INPP5D: variants seen among roughly 807,000 people sequenced by gnomAD.
INPP5D encodes the protein inositol polyphosphate-5-phosphatase D, also known as phosphatidylinositol 3,4,5-trisphosphate 5-phosphatase 1.
A neutral mutation model predicts 122.9 loss-of-function variants in INPP5D; 33 were observed. That is an observed-to-expected ratio of 0.27 (90% confidence interval 0.20 to 0.36). The LOEUF (loss-of-function observed/expected upper bound fraction) is 0.36. Ranked by LOEUF, INPP5D falls within the 10% of genes least tolerant of loss-of-function variation. INPP5D has a pLI of 1.00. For missense variants in INPP5D, 1,053 were observed against 1,412.7 expected (o/e 0.75, Z 4.08); for synonymous variants, 584 against 576.2 (o/e 1.01, Z -0.19).
At chr2:233,069,746 T>C (rs898435925) in intron 1 of INPP5D, among the ~76,000 whole-genome samples, 2 of 152,350 alleles carry the variant, frequency 1.3e-5, no homozygotes, top group South Asian at 4.1e-4. Flanking sequence ...ATTCTTCTAT[T>C]ATCAGATATT....
rs750789251 is a variant in INPP5D, at chr2:233,060,517, C to T, written c.39C>T (p.Ser13=). The T allele has an allele frequency of 6.2e-7, 1 of 1,613,492 alleles. No homozygotes were observed. The highest frequency in any genetic ancestry group is 1.1e-5 in the South Asian group (1 of 91,028). The stretch of plus-strand genomic sequence containing the variant: ...GGAACCATGGCAACATCACCCGCTC[C>T]AAGGCGGAGGAGCTGCTTTCCAGGA... ...PCWNHGNITR[S]KAEELLSRTG... is the part of the protein sequence containing the mutation. Residue 13 remains serine, a synonymous_variant, in exon 1 of 27, where the codon TCC becomes TCT. Coordinates refer to ENST00000445964, the MANE Select transcript of INPP5D (RefSeq NM_001017915.3).
intron 6 of INPP5D, among the ~76,000 whole-genome samples, chr2:233,145,694 G>A (rs1693739869): frequency 6.6e-6 from 1 of 151,930 alleles, no homozygotes; most frequent in African/African-American, 2.4e-5. Flanking sequence ...GGTGGGGCGG[G>A]TGAGGTGGGG....
chr2:233,169,027 C>T, intron 13 of INPP5D: 1 of 401,626 alleles, frequency 2.5e-6, no homozygotes, highest in Non-Finnish European at 4.6e-6. Context: ...CCGCTTAGCA[C>T]CCTGGTCACT....
intron 2 of INPP5D, among the ~76,000 whole-genome samples, chr2:233,117,476 A>G (rs906386113): frequency 2.6e-5 from 4 of 151,900 alleles, no homozygotes; most frequent in African/African-American, 9.7e-5. Context: ...TTGGCGGGGG[A>G]GGGGATCTAC....
Position 233,078,894 on chromosome 2 carries a change from G to A in INPP5D, c.135-441G>A, listed in dbSNP as rs543418816. Reference sequence around the variant, plus strand: ...GATGGGATTTCACCATGTTGGCCAGGATGGTCTCAATCTCTTGACCTTGTG... The same window carrying A: ...GATGGGATTTCACCATGTTGGCCAGAATGGTCTCAATCTCTTGACCTTGTG... On this transcript the variant is annotated intron_variant, in intron 1 of 26. Coordinates refer to ENST00000445964, the MANE Select transcript of INPP5D (RefSeq NM_001017915.3). This position sits in a 1 kb window ranked among gnomAD's most constrained non-coding sequence, Gnocchi z 4.6. 9.9e-5 allele frequency among the ~76,000 whole-genome samples: 15 copies of A among 152,156 alleles called. No homozygotes were observed. The East Asian group carries it at 2.7e-3, about 27-fold the overall frequency.
Position 233,169,645 on chromosome 2 carries a change from C to T in INPP5D, c.1652+244C>T, listed in dbSNP as rs140177279. The T allele has an allele frequency of 1.4e-3, 871 of 612,362 alleles. 7 individuals carry two copies. Among genetic ancestry groups the T allele is most frequent in the African/African-American group, 0.014 (755 of 54,440 alleles). The allele number at this position is 612,362 out of a possible 1,614,324, so 37.9% of individuals were successfully genotyped here. On this transcript the variant is annotated intron_variant, in intron 14 of 26. Transcript: ENST00000445964. ...TCCTTGTGTCATTAGCCTGATGGAC[C>T]GCTAACTAGCACTGTTTCTAAAGCA...
At chr2:233,123,128 G>C (rs911767384) in intron 3 of INPP5D, among the ~76,000 whole-genome samples, 1 of 151,902 alleles carries the variant, frequency 6.6e-6, no homozygotes, top group Non-Finnish European at 1.5e-5. Context: ...AAGGGGGAGG[G>C]GGAAATACAA....
chr2:233,193,184 C>T (rs60875800), intron 22 of INPP5D, among the ~76,000 whole-genome samples: 4,368 of 152,296 alleles, frequency 0.029, 189 homozygotes, highest in African/African-American at 0.098. Flanking sequence ...CCACCACACC[C>T]GGTGCATTGG....
At chr2:233,182,617 G>A in intron 19 of INPP5D, 118 bp downstream of exon 19, 1 of 1,464,854 alleles carries the variant, frequency 6.8e-7, no homozygotes, top group South Asian at 1.2e-5. Context: ...TCCCAGGCAA[G>A]TCCACAATAT....
chr2:233,199,428 CAA>C (rs1203884222), intron 25 of INPP5D, among the ~76,000 whole-genome samples: 1 of 147,468 alleles, frequency 6.8e-6, no homozygotes, highest in Non-Finnish European at 1.5e-5. Context: ...CCCAGCTACT[CAA>C]GAGGCTGAGG....
intron 2 of INPP5D, among the ~76,000 whole-genome samples, chr2:233,080,906 G>A (rs974018979): frequency 9.9e-5 from 15 of 152,164 alleles, no homozygotes; most frequent in African/African-American, 3.1e-4. Flanking sequence ...GATGCAGCCC[G>A]GTCCAGGGGC....
rs1325260240 is a variant in INPP5D at position 233,183,926 on chromosome 2, G to A, written c.2162-482G>A. Reference sequence around the variant, plus strand: ...ATCGTCTAAATTAATACAGTTGCAGGCAAGTTAACTCTGTACAAATGAGCT... The same window carrying A: ...ATCGTCTAAATTAATACAGTTGCAGACAAGTTAACTCTGTACAAATGAGCT... On this transcript the variant is annotated intron_variant, in intron 19 of 26. Coordinates refer to ENST00000445964, the MANE Select transcript of INPP5D (RefSeq NM_001017915.3). The surrounding 1 kb of genome is among the most constrained non-coding windows in gnomAD (Gnocchi z 4.6). Among the ~76,000 whole-genome samples the A allele has an allele frequency of 1.3e-5, 2 of 152,208 alleles. No homozygotes were observed. The highest frequency in any genetic ancestry group is 2.4e-5 in the African/African-American group (1 of 41,450).
At chr2:233,120,626 G>A (rs1692941912) in intron 2 of INPP5D, 2 of 152,352 alleles carry the variant, frequency 1.3e-5, no homozygotes, top group African/African-American at 4.8e-5. Flanking sequence ...GTGCCTCTTT[G>A]GGGCTCATTC....
At chr2:233,173,264 T>C (rs1324821362) in intron 17 of INPP5D, among the ~76,000 whole-genome samples, 2 of 150,748 alleles carry the variant, frequency 1.3e-5, no homozygotes, top group Non-Finnish European at 2.9e-5. Context: ...TTACCATGAA[T>C]GAAGCTTGCA....
chr2:233,063,539 G>A (rs2106193116), intron 1 of INPP5D, among the ~76,000 whole-genome samples: 1 of 152,368 alleles, frequency 6.6e-6, no homozygotes, highest in South Asian at 2.1e-4. Flanking sequence ...AAAAGACAGG[G>A]CTACAGTTCA....
chr2:233,186,599 C>G (rs933162938), intron 21 of INPP5D, among the ~76,000 whole-genome samples: 4 of 146,974 alleles, frequency 2.7e-5, no homozygotes, highest in African/African-American at 7.5e-5. Flanking sequence ...CCCAGAAGTT[C>G]AAGACCAGCC....
At chr2:233,125,041 G>A (rs1693115571) in intron 3 of INPP5D, among the ~76,000 whole-genome samples, 1 of 152,266 alleles carries the variant, frequency 6.6e-6, no homozygotes, top group African/African-American at 2.4e-5. Flanking sequence ...AGAGGCAGCC[G>A]CTCTGTGTGG....
chr2:233,120,977 A>G (rs1692952992), intron 2 of INPP5D, among the ~76,000 whole-genome samples: 1 of 152,216 alleles, frequency 6.6e-6, no homozygotes, highest in South Asian at 2.1e-4. Flanking sequence ...TTTTTTTTAA[A>G]AAAAGTTCTT....
At chr2:233,152,023 G>A (rs142485610) in intron 9 of INPP5D, among the ~76,000 whole-genome samples, 208 of 152,338 alleles carry the variant, frequency 1.4e-3, no homozygotes, top group African/African-American at 4.5e-3. Flanking sequence ...GAGGCAGTGT[G>A]GTTCAAGAGT....
Sources: allele counts gnomAD v4.1 joint callset (sites outside exome capture counted in the v4.1 genomes callset), GRCh38; gene constraint gnomAD v4.1.1; non-coding constraint Gnocchi (gnomAD v3.1); transcripts MANE v1.5; gene names NCBI Gene and HGNC (gene_info 2026-07-23, HGNC 2026-07-21).